The following MYO5B variants were observed in gnomAD, a reference collection of about 807,000 sequenced individuals.
MYO5B encodes the protein myosin VB, also known as unconventional myosin-Vb.
In MYO5B, 143 loss-of-function variants were observed where a neutral mutation model predicts 229.3. That is an observed-to-expected ratio of 0.62 (90% CI 0.54 to 0.72). MYO5B has a LOEUF of 0.72. MYO5B is among the 30% of genes least tolerant of loss of function. The pLI is 0.00. For synonymous variants in MYO5B, 918 were observed against 885.2 expected (o/e 1.04, Z -0.66); for missense variants, 2,321 against 2,331.0 (o/e 1.00, Z 0.09).
intron 2 of MYO5B, among the ~76,000 whole-genome samples, chr18:50,042,028 G>A (rs1446640447): frequency 1.3e-5 from 2 of 152,128 alleles, no homozygotes; most frequent in African/African-American, 2.4e-5. Context: ...AGAGATTCAA[G>A]TAAAAGATTA....
intron 14 of MYO5B, among the ~76,000 whole-genome samples, chr18:49,938,748 G>A (rs1281647935): frequency 6.6e-6 from 1 of 152,136 alleles, no homozygotes; most frequent in African/African-American, 2.4e-5. Context: ...TAGGCACAAT[G>A]CTCACTACTC....
intron 1 of MYO5B, among the ~76,000 whole-genome samples, chr18:50,094,187 C>T (rs905313828): frequency 2.6e-5 from 4 of 152,106 alleles, no homozygotes; most frequent in South Asian, 4.1e-4. Flanking sequence ...AGTAGACTAA[C>T]GGGTTGATTT....
chr18:49,836,593 G>C, intron 38 of MYO5B, 118 bp downstream of exon 38: 7 of 1,180,466 alleles, frequency 5.9e-6, no homozygotes, highest in Middle Eastern at 2.0e-4. Context: ...TGTCTCATTA[G>C]GGGTATATAA....
At chr18:49,978,795 G>C (rs995224819) in intron 9 of MYO5B, among the ~76,000 whole-genome samples, 1 of 151,674 alleles carries the variant, frequency 6.6e-6, no homozygotes, top group Non-Finnish European at 1.5e-5. Context: ...AAGAAGAAGT[G>C]ACCTGTGAAG....
At chr18:49,899,858 G>T (rs1279300442) in intron 21 of MYO5B, among the ~76,000 whole-genome samples, 1 of 152,112 alleles carries the variant, frequency 6.6e-6, no homozygotes. Context: ...TCCTGCCCAG[G>T]GTAGCTAACA....
chr18:49,896,517 T>C (rs2024781107), intron 21 of MYO5B, among the ~76,000 whole-genome samples: 1 of 152,198 alleles, frequency 6.6e-6, no homozygotes, highest in Non-Finnish European at 1.5e-5. Flanking sequence ...AGCCACCCTC[T>C]GACTTCATCT....
At chr18:49,883,667 C>A (rs926868635) in intron 22 of MYO5B, among the ~76,000 whole-genome samples, 4 of 151,270 alleles carry the variant, frequency 2.6e-5, no homozygotes, top group Admixed American at 2.6e-4. Flanking sequence ...TCCAGAATAC[C>A]CAAACGATCT....
intron 1 of MYO5B, among the ~76,000 whole-genome samples, chr18:50,178,347 C>G (rs1444995154): frequency 6.6e-6 from 1 of 152,194 alleles, no homozygotes; most frequent in Non-Finnish European, 1.5e-5. Flanking sequence ...TATCAACTTC[C>G]CTGTCTGGTG....
intron 17 of MYO5B, among the ~76,000 whole-genome samples, chr18:49,925,684 G>A (rs113103569): frequency 3.3e-5 from 5 of 152,202 alleles, no homozygotes; most frequent in East Asian, 1.9e-4. Context: ...AAGCAGGAGT[G>A]CAGCCAGGAG....
At chr18:50,063,215 C>A (rs953198630) in intron 1 of MYO5B, among the ~76,000 whole-genome samples, 1 of 152,138 alleles carries the variant, frequency 6.6e-6, no homozygotes, top group Admixed American at 6.5e-5. Flanking sequence ...CCTCCCCCAG[C>A]GGCGAGCCAT....
At chr18:50,087,197 G>A (rs1246857010) in intron 1 of MYO5B, among the ~76,000 whole-genome samples, 5 of 152,182 alleles carry the variant, frequency 3.3e-5, no homozygotes, top group Non-Finnish European at 7.4e-5. Context: ...TGTTTGCCAA[G>A]TGTCTCTAAA....
intron 32 of MYO5B, 43 bp downstream of exon 32, chr18:49,849,524 T>A: frequency 7.1e-7 from 1 of 1,404,408 alleles, no homozygotes; most frequent in Admixed American, 1.7e-5. Flanking sequence ...CGTGGCCAAG[T>A]ATACCTGTGA....
chr18:49,960,381 C>T (rs956818476), intron 12 of MYO5B, among the ~76,000 whole-genome samples: 14 of 152,322 alleles, frequency 9.2e-5, no homozygotes, highest in Middle Eastern at 3.4e-3. Flanking sequence ...AGGAGCACCG[C>T]GTTGCCCAGC....
At position 49,846,106 on chromosome 18, in the gene MYO5B, GC is replaced by G. The variant is rs2024122924; in HGVS notation, c.4459+1039del. ...ATGGGGGTGGGAGGCTGGCAGGCCA[GC>G]CCTGATTCAGCCACATGCCTGGATA... On this transcript the variant is annotated intron_variant, in intron 33 of 39. Transcript: ENST00000285039. Among the ~76,000 whole-genome samples, 3 of 152,200 alleles carry G rather than the reference GC, an allele frequency of 2.0e-5. No homozygotes were observed. In the South Asian group the frequency reaches 6.2e-4, roughly 32 times the overall value.
At chr18:50,176,164 T>C (rs1237732921) in intron 1 of MYO5B, among the ~76,000 whole-genome samples, 1 of 152,100 alleles carries the variant, frequency 6.6e-6, no homozygotes, top group East Asian at 1.9e-4. Context: ...CGGAATCACA[T>C]CTTATTGGGA....
chr18:49,829,949 A>G (rs900550978), intron 39 of MYO5B, among the ~76,000 whole-genome samples: 1 of 152,228 alleles, frequency 6.6e-6, no homozygotes, highest in Non-Finnish European at 1.5e-5. Flanking sequence ...AAAACCCCAC[A>G]TTTAACATCA....
At chr18:49,931,331 C>T (rs1409275793) in intron 16 of MYO5B, among the ~76,000 whole-genome samples, 2 of 152,134 alleles carry the variant, frequency 1.3e-5, no homozygotes, top group Non-Finnish European at 2.9e-5. Flanking sequence ...CCAGGCTGTG[C>T]TCACTGTGGC....
chr18:49,937,381 T>C lies in MYO5B; in HGVS notation c.1769A>G (p.Asp590Gly). The C allele has an allele frequency of 1.9e-6, 3 of 1,614,058 alleles. No homozygotes were observed. Among genetic ancestry groups the C allele is most frequent in the Non-Finnish European group, 2.5e-6 (3 of 1,179,972 alleles). ...LKASKFPLVA[D>G]LFHDDKDPVP... Reference sequence around the variant, plus strand: ...AGGGTCCTTGTCATCATGAAACAAGTCAGCCACTAGTGGGAACTAGAAACA... The same window carrying C: ...AGGGTCCTTGTCATCATGAAACAAGCCAGCCACTAGTGGGAACTAGAAACA... Residue 590 changes from aspartate to glycine, a missense_variant, in exon 15 of 40, where the codon GAC becomes GGC. Asp to Gly is a moderately conservative substitution (Grantham distance 94, BLOSUM62 -1). Transcript: ENST00000285039.
In MYO5B at chr18:49,905,067, T is replaced by C. The variant is rs375720402; in HGVS notation, c.2415-239A>G. 1.4e-4 allele frequency among the ~76,000 whole-genome samples: 22 copies of C among 152,314 alleles called. No homozygotes were observed. The East Asian group carries it at 2.3e-3, about 16-fold the overall frequency. On this transcript the variant is annotated intron_variant, in intron 19 of 39. Transcript: ENST00000285039. ...TGGTCTCGAAAGGCTTCCCACAAGC[T>C]TCAAACTCAGTCAGAGTCTGACTTC...
Sources: gnomAD v4.1 joint callset for allele counts (sites outside exome capture counted in the v4.1 genomes callset) on GRCh38, gnomAD v4.1.1 for gene constraint, MANE v1.5 for transcripts, NCBI Gene and HGNC (gene_info 2026-07-23, HGNC 2026-07-21) for gene names.